CSGALNACT1: variants seen among roughly 807,000 people sequenced by gnomAD.
CSGALNACT1 encodes the protein chondroitin sulfate N-acetylgalactosaminyltransferase 1.
CSGALNACT1 carries 52 observed loss-of-function variants against 51.0 expected under a neutral mutation model. The ratio of observed to expected loss-of-function variants is 1.02; its 90% CI spans 0.82 to 1.29. CSGALNACT1 has a LOEUF of 1.29. Among genes scored for constraint, CSGALNACT1 ranks in the 50% most tolerant of loss-of-function variants. The probability of loss-of-function intolerance (pLI) is 0.00; values close to 1 mark genes in which losing one functional copy is unlikely to be tolerated. For synonymous variants in CSGALNACT1, 341 were observed against 254.4 expected (o/e 1.34, Z -3.24); for missense variants, 935 against 679.2 (o/e 1.38, Z -4.19).
chr8:19,513,853 A>G (rs539881663), intron 3 of CSGALNACT1, among the ~76,000 whole-genome samples: 1 of 152,316 alleles, frequency 6.6e-6, no homozygotes, highest in Non-Finnish European at 1.5e-5. Context: ...ATATAGTATT[A>G]TAATTATAGA....
chr8:19,750,407 G>T (rs544554904), intron 1 of CSGALNACT1, among the ~76,000 whole-genome samples: 71 of 152,264 alleles, frequency 4.7e-4, no homozygotes, highest in African/African-American at 1.6e-3. Context: ...CCACCACTCT[G>T]TCAGTAGGGG....
intron 1 of CSGALNACT1, among the ~76,000 whole-genome samples, chr8:19,626,625 T>G (rs548276891): frequency 1.3e-5 from 2 of 152,326 alleles, no homozygotes; most frequent in South Asian, 4.1e-4. Context: ...ATCTTGGGAA[T>G]AGGATGAAAA....
intron 6 of CSGALNACT1, among the ~76,000 whole-genome samples, chr8:19,434,162 C>G (rs142253806): frequency 2.4e-4 from 36 of 152,272 alleles, no homozygotes; most frequent in African/African-American, 8.4e-4. Context: ...TTTCTTACTG[C>G]TTTTGTAGAG....
In CSGALNACT1 at chr8:19,441,245, G is replaced by C. The variant is rs551243719; in HGVS notation, c.852-1314C>G. Among the ~76,000 whole-genome samples the C allele has an allele frequency of 4.6e-5, 7 of 152,262 alleles. No homozygotes were observed. In the East Asian group the frequency reaches 1.4e-3, roughly 29 times the overall value. On this transcript the variant is annotated intron_variant, in intron 5 of 9. Transcript: ENST00000454498. ...CTAAAGTTCATATGGAACCAAAAAA[G>C]AGCCTGCATCGCCAAGTCAATCCTA...
At chr8:19,458,049 C>T (rs1452760878) in intron 5 of CSGALNACT1, among the ~76,000 whole-genome samples, 1 of 152,210 alleles carries the variant, frequency 6.6e-6, no homozygotes, top group African/African-American at 2.4e-5. Flanking sequence ...GCTCTGCCAC[C>T]ACCAGCTCCT....
At chr8:19,707,409 A>G (rs2062233604) in intron 1 of CSGALNACT1, among the ~76,000 whole-genome samples, 1 of 152,246 alleles carries the variant, frequency 6.6e-6, no homozygotes. Flanking sequence ...TGTAAATAAT[A>G]CAGTATCAGA....
intron 3 of CSGALNACT1, among the ~76,000 whole-genome samples, chr8:19,508,214 T>C (rs1343618222): frequency 6.6e-6 from 1 of 152,220 alleles, no homozygotes; most frequent in African/African-American, 2.4e-5. Flanking sequence ...AAAGACAGAA[T>C]GTTAACAACC....
intron 3 of CSGALNACT1, among the ~76,000 whole-genome samples, chr8:19,553,470 C>A (rs893055124): frequency 6.6e-6 from 1 of 151,846 alleles, no homozygotes; most frequent in African/African-American, 2.4e-5. Flanking sequence ...AATGCAAGAG[C>A]TTCTCTCGCC....
chr8:19,489,378 A>T (rs2073850939), intron 4 of CSGALNACT1, among the ~76,000 whole-genome samples: 1 of 152,136 alleles, frequency 6.6e-6, no homozygotes, highest in Non-Finnish European at 1.5e-5. Flanking sequence ...TCTCTCTCTC[A>T]AAGGAAAAAA....
rs148736824 is a variant in CSGALNACT1, at chr8:19,406,167, G to A, written c.1310-98C>T. The A allele has an allele frequency of 7.1e-4, 973 of 1,369,446 alleles. 12 individuals carry two copies. In the African/African-American group the frequency reaches 0.012, roughly 17 times the overall value. 84.8% of individuals were successfully genotyped at this position (1,369,446 alleles called of 1,614,324 possible). Reference sequence around the variant, plus strand: ...AAACTTTTCATTAAGACATGACTGGGGGGGATGCGTGCTTCACCACCACCC... The same window carrying A: ...AAACTTTTCATTAAGACATGACTGGAGGGGATGCGTGCTTCACCACCACCC... On this transcript the variant is annotated intron_variant, in intron 9 of 9. Coordinates refer to ENST00000454498, the Ensembl canonical transcript of CSGALNACT1.
intron 1 of CSGALNACT1, among the ~76,000 whole-genome samples, chr8:19,690,850 C>T (rs1204504971): frequency 6.6e-6 from 1 of 152,152 alleles, no homozygotes; most frequent in Non-Finnish European, 1.5e-5. Flanking sequence ...TGTCTGAGAT[C>T]AGGGATAAGC....
Position 19,458,698 on chromosome 8 carries a change from T to C in CSGALNACT1, c.635-56A>G, listed in dbSNP as rs1047983074. On this transcript the variant is annotated intron_variant, in intron 4 of 9. Coordinates refer to ENST00000454498, the Ensembl canonical transcript of CSGALNACT1. ...CTAAAAATTAACCTTGGCTGCTGAGTGTTTTTCAACCGAGATCTAGCACAG... is the reference window on the plus strand; with the variant it reads ...CTAAAAATTAACCTTGGCTGCTGAGCGTTTTTCAACCGAGATCTAGCACAG... 20 of 1,536,256 alleles carry C rather than the reference T, an allele frequency of 1.3e-5. No individual in the cohort carries two copies. In the Admixed American group the frequency reaches 2.5e-4, roughly 20 times the overall value.
At chr8:19,669,607 C>T (rs142490953) in intron 1 of CSGALNACT1, among the ~76,000 whole-genome samples, 2,362 of 152,186 alleles carry the variant, frequency 0.016, 68 homozygotes, top group African/African-American at 0.053. Flanking sequence ...TGCCTGCCAC[C>T]ATGCCTGGCC....
At chr8:19,677,785 G>C (rs1157773658) in intron 1 of CSGALNACT1, among the ~76,000 whole-genome samples, 2 of 152,162 alleles carry the variant, frequency 1.3e-5, no homozygotes, top group Non-Finnish European at 2.9e-5. Context: ...AGAGTTTCTG[G>C]ACTAGGGAAA....
intron 1 of CSGALNACT1, among the ~76,000 whole-genome samples, chr8:19,610,739 C>T (rs141609962): frequency 6.6e-6 from 1 of 152,328 alleles, no homozygotes; most frequent in East Asian, 1.9e-4. Flanking sequence ...CTCAATAAAA[C>T]CTTGCACCCA....
Position 19,559,722 on chromosome 8 carries a change from C to T in CSGALNACT1, c.-297+31438G>A, listed in dbSNP as rs186045787. On this transcript the variant is annotated intron_variant, in intron 3 of 9. Coordinates refer to ENST00000454498, the Ensembl canonical transcript of CSGALNACT1. ...TGAAACTGTATCAAAAAGTGCCTAG[C>T]AATAAATCTAACAAAAGACATGCAG... 2.6e-5 allele frequency among the ~76,000 whole-genome samples: 4 copies of T among 152,146 alleles called. No homozygotes were observed. In the East Asian group the frequency reaches 7.7e-4, roughly 29 times the overall value.
chr8:19,471,530 T>C (rs2153866481), intron 4 of CSGALNACT1, among the ~76,000 whole-genome samples: 1 of 152,294 alleles, frequency 6.6e-6, no homozygotes, highest in Non-Finnish European at 1.5e-5. Context: ...TTTTTCTGCT[T>C]CATGCCCCTC....
chr8:19,425,147 G>A (rs1433726030), intron 6 of CSGALNACT1, among the ~76,000 whole-genome samples: 1 of 152,110 alleles, frequency 6.6e-6, no homozygotes, highest in Non-Finnish European at 1.5e-5. Context: ...GTTCGAGACT[G>A]AACTGACCAA....
intron 5 of CSGALNACT1, among the ~76,000 whole-genome samples, chr8:19,453,374 T>A (rs1009457860): frequency 6.6e-6 from 1 of 152,156 alleles, no homozygotes; most frequent in South Asian, 2.1e-4. Flanking sequence ...AGAATAGATA[T>A]GTCAGAAAAT....
Sources: allele counts gnomAD v4.1 joint callset (sites outside exome capture counted in the v4.1 genomes callset), GRCh38; gene constraint gnomAD v4.1.1; transcripts MANE v1.5; gene names NCBI Gene and HGNC (gene_info 2026-07-23, HGNC 2026-07-21).